SPATA31D3: variants seen among roughly 807,000 people sequenced by gnomAD.
SPATA31D3 encodes SPATA31 subfamily D member 3.
For missense variants in SPATA31D3, 91 were observed against 297.9 expected, an observed-to-expected ratio of 0.31 and a Z score of 5.11; for synonymous variants, 27 against 107.8, an observed-to-expected ratio of 0.25 and a Z score of 4.65.
chr9:81,949,719 T>C lies in SPATA31D3; in HGVS notation c.*1712T>C, dbSNP rs1171597243. 2 of 1,406,400 alleles carry C rather than the reference T, an allele frequency of 1.4e-6. No homozygotes were observed. The highest frequency in any genetic ancestry group is 3.4e-5 in the Admixed American group (2 of 59,206). The allele number at this position is 1,406,400 out of a possible 1,614,324, so 87.1% of individuals were successfully genotyped here. A position where few individuals can be genotyped will look rare whatever the true frequency, so the allele number is the denominator to read the frequency against. ...TGGCTCCCTCCTGCAAAGTGACATG[T>C]ACCAAATCTTGCAGCCAACAAGCTA... is the stretch of plus-strand genomic sequence containing the variant. On this transcript the variant is annotated 3_prime_UTR_variant, in exon 4 of 4. Coordinates refer to ENST00000445385, the MANE Select transcript of SPATA31D3 (RefSeq NM_207416.3).
At position 81,949,740 on chromosome 9, in the gene SPATA31D3, A is replaced by T; in HGVS notation, c.*1733A>T. The T allele has an allele frequency of 1.4e-6, 2 of 1,407,680 alleles. No homozygotes were observed. Among genetic ancestry groups the T allele is most frequent in the East Asian group, 2.3e-5 (1 of 43,552 alleles). The allele number at this position is 1,407,680 out of a possible 1,614,324, so 87.2% of individuals were successfully genotyped here. On this transcript the variant is annotated 3_prime_UTR_variant, in exon 4 of 4. Transcript: ENST00000445385. The stretch of plus-strand genomic sequence containing the variant: ...CATGTACCAAATCTTGCAGCCAACA[A>T]GCTATCTTTGTCGGCCAGAATTATC...
rs368987680 is a variant in SPATA31D3 at position 81,950,065 on chromosome 9, C to T, written c.*2058C>T. On this transcript the variant is annotated 3_prime_UTR_variant, in exon 4 of 4. Transcript: ENST00000445385. ...TAACTCCTTGTTGAGAATCTTGACT[C>T]TCCCCAATAAACGTTCTAATAAGAA... is the stretch of plus-strand genomic sequence containing the variant. The T allele has an allele frequency of 4.1e-4, 117 of 285,464 alleles. 1 individual carries two copies. Among genetic ancestry groups the T allele is most frequent in the African/African-American group, 2.4e-3 (111 of 46,068 alleles). The allele number at this position is 285,464 out of a possible 1,614,324, so 17.7% of individuals were successfully genotyped here. A position where few individuals can be genotyped will look rare whatever the true frequency, so the allele number is the denominator to read the frequency against.
In SPATA31D3 at chr9:81,949,648, C is replaced by G; in HGVS notation, c.*1641C>G. On this transcript the variant is annotated 3_prime_UTR_variant, in exon 4 of 4. Transcript: ENST00000445385. ...TGGGAAATCTCAGAATGTGCCAGAACTGCAGGTCAGAGCAGAGCCTGTCCA... is the reference window on the plus strand; with the variant it reads ...TGGGAAATCTCAGAATGTGCCAGAAGTGCAGGTCAGAGCAGAGCCTGTCCA... The G allele has an allele frequency of 2.1e-6, 2 of 950,388 alleles. No homozygotes were observed. Among genetic ancestry groups the G allele is most frequent in the Non-Finnish European group, 3.4e-6 (2 of 590,686 alleles). The allele number at this position is 950,388 out of a possible 1,614,324, so 58.9% of individuals were successfully genotyped here.
In SPATA31D3 at chr9:81,949,611, C is replaced by T; in HGVS notation, c.*1604C>T. ...CCTGTCCCCAGGAGCCCCTTTCCTCCCCAGTGCAGCTTGGGAAATCTCAGA... is the reference window on the plus strand; with the variant it reads ...CCTGTCCCCAGGAGCCCCTTTCCTCTCCAGTGCAGCTTGGGAAATCTCAGA... On this transcript the variant is annotated 3_prime_UTR_variant, in exon 4 of 4. Coordinates refer to ENST00000445385, the MANE Select transcript of SPATA31D3 (RefSeq NM_207416.3). 3 of 722,732 alleles carry T rather than the reference C, an allele frequency of 4.2e-6. No individual in the cohort carries two copies. Among genetic ancestry groups the T allele is most frequent in the Admixed American group, 2.0e-5 (1 of 49,692 alleles). 44.8% of individuals were successfully genotyped at this position (722,732 alleles called of 1,614,324 possible).
In SPATA31D3 at chr9:81,947,869, T is replaced by C. The variant is rs1292662064; in HGVS notation, c.2616T>C (p.Asn872=). 1.9e-5 allele frequency: 30 copies of C among 1,611,446 alleles called. 1 individual carries two copies. The highest frequency in any genetic ancestry group is 2.5e-5 in the Non-Finnish European group (30 of 1,179,282). ...EKSHSQIKHR[N]LAALVSEDHR... The stretch of plus-strand genomic sequence containing the variant: ...CCCACAGCCAAATTAAACATCGAAA[T>C]TTGGCAGCATTGGTGAGTGAGGACC... The change falls in exon 4 of 4, where the codon AAT becomes AAC. Residue 872 remains asparagine, a synonymous_variant. Coordinates refer to ENST00000445385, the MANE Select transcript of SPATA31D3 (RefSeq NM_207416.3).
Position 81,949,756 on chromosome 9 carries a change from C to T in SPATA31D3, c.*1749C>T, listed in dbSNP as rs1197568952. The T allele has an allele frequency of 7.9e-6, 11 of 1,390,580 alleles. No individual in the cohort carries two copies. Among genetic ancestry groups the T allele is most frequent in the Non-Finnish European group, 1.1e-5 (11 of 981,372 alleles). 86.1% of individuals were successfully genotyped at this position (1,390,580 alleles called of 1,614,324 possible). A position where few individuals can be genotyped will look rare whatever the true frequency, so the allele number is the denominator to read the frequency against. ...CAGCCAACAAGCTATCTTTGTCGGC[C>T]AGAATTATCCTGCAATGATTAGACA... On this transcript the variant is annotated 3_prime_UTR_variant, in exon 4 of 4. Transcript: ENST00000445385.
rs760516390 is a variant in SPATA31D3 at position 81,947,882 on chromosome 9, G to A, written c.2629G>A (p.Val877Met). The change falls in exon 4 of 4, where the codon GTG (valine) becomes ATG (methionine). Residue 877 changes from valine (V) to methionine (M), a missense_variant. Val to Met is a conservative substitution (Grantham distance 21). Transcript: ENST00000445385. ...QIKHRNLAAL[V>M]SEDHRVDTSQ... ...TAAACATCGAAATTTGGCAGCATTG[G>A]TGAGTGAGGACCACCGCGTTGATAC... is the stretch of plus-strand genomic sequence containing the variant. The A allele has an allele frequency of 6.2e-7, 1 of 1,611,934 alleles. No homozygotes were observed. The highest frequency in any genetic ancestry group is 1.1e-5 in the South Asian group (1 of 90,812).
chr9:81,949,747 T>C lies in SPATA31D3; in HGVS notation c.*1740T>C. On this transcript the variant is annotated 3_prime_UTR_variant, in exon 4 of 4. Coordinates refer to ENST00000445385, the MANE Select transcript of SPATA31D3 (RefSeq NM_207416.3). ...CAAATCTTGCAGCCAACAAGCTATC[T>C]TTGTCGGCCAGAATTATCCTGCAAT... 1 of 1,407,582 alleles carries C rather than the reference T, an allele frequency of 7.1e-7. No homozygotes were observed. Among genetic ancestry groups the C allele is most frequent in the Non-Finnish European group, 1.0e-6 (1 of 996,762 alleles). 87.2% of individuals were successfully genotyped at this position (1,407,582 alleles called of 1,614,324 possible).
At position 81,949,547 on chromosome 9, in the gene SPATA31D3, T is replaced by C. The variant is rs779220230; in HGVS notation, c.*1540T>C. ...ATTAGGAAAGACACTGGGGAGTTCA[T>C]AGAAGAGAAGCTGGGGCATAGACAT... is the stretch of plus-strand genomic sequence containing the variant. On this transcript the variant is annotated 3_prime_UTR_variant, in exon 4 of 4. Transcript: ENST00000445385. 4 of 591,590 alleles carry C rather than the reference T, an allele frequency of 6.8e-6. No individual in the cohort carries two copies. Among genetic ancestry groups the C allele is most frequent in the Admixed American group, 5.2e-5 (2 of 38,294 alleles). 36.6% of individuals were successfully genotyped at this position (591,590 alleles called of 1,614,324 possible).
chr9:81,948,480 TACTG>T lies in SPATA31D3; in HGVS notation c.*476_*479del. ...GGACCCTCAGAAGAGAATTCGCTGA[TACTG>T]ACGAGGATCTTACAGAAAGTGTCTG... On this transcript the variant is annotated 3_prime_UTR_variant, in exon 4 of 4. Transcript: ENST00000445385. The T allele has an allele frequency of 9.0e-6, 1 of 110,604 alleles. No individual in the cohort carries two copies. The highest frequency in any genetic ancestry group is 1.0e-4 in the South Asian group (1 of 9,938). The allele number at this position is 110,604 out of a possible 1,614,324, so 6.9% of individuals were successfully genotyped here. A position where few individuals can be genotyped will look rare whatever the true frequency, so the allele number is the denominator to read the frequency against.
rs1048356559 is a variant in SPATA31D3, at chr9:81,950,071, A to T, written c.*2064A>T. On this transcript the variant is annotated 3_prime_UTR_variant, in exon 4 of 4. Coordinates refer to ENST00000445385, the MANE Select transcript of SPATA31D3 (RefSeq NM_207416.3). ...CTTGTTGAGAATCTTGACTCTCCCC[A>T]ATAAACGTTCTAATAAGAATAAGAA... 1.5e-5 allele frequency: 4 copies of T among 272,434 alleles called. No homozygotes were observed. The highest frequency in any genetic ancestry group is 6.6e-5 in the African/African-American group (3 of 45,498). The allele number at this position is 272,434 out of a possible 1,614,324, so 16.9% of individuals were successfully genotyped here.
rs1487913335 is a variant in SPATA31D3, at chr9:81,949,642, C to G, written c.*1635C>G. ...GCAGCTTGGGAAATCTCAGAATGTG[C>G]CAGAACTGCAGGTCAGAGCAGAGCC... On this transcript the variant is annotated 3_prime_UTR_variant, in exon 4 of 4. Transcript: ENST00000445385. 15 of 905,666 alleles carry G rather than the reference C, an allele frequency of 1.7e-5. No homozygotes were observed. Among genetic ancestry groups the G allele is most frequent in the Non-Finnish European group, 2.4e-5 (13 of 553,188 alleles). 56.1% of individuals were successfully genotyped at this position (905,666 alleles called of 1,614,324 possible). A position where few individuals can be genotyped will look rare whatever the true frequency, so the allele number is the denominator to read the frequency against.
In SPATA31D3 at chr9:81,945,267, C is replaced by T. The variant is rs570735331; in HGVS notation, c.293+35C>T. ...CATTCCCCTTCTATCCTGTTCCCAC[C>T]GCCTTCTTTTTTTTTTTTTTTTTTT... On this transcript the variant is annotated intron_variant, in intron 3 of 3. Transcript: ENST00000445385. The T allele has an allele frequency of 2.3e-4, 90 of 394,152 alleles. 1 individual carries two copies. The highest frequency in any genetic ancestry group is 1.2e-3 in the Middle Eastern group (2 of 1,666). 24.4% of individuals were successfully genotyped at this position (394,152 alleles called of 1,614,324 possible).
chr9:81,949,731 C>T lies in SPATA31D3; in HGVS notation c.*1724C>T, dbSNP rs58521991. 1.5e-3 allele frequency: 2,068 copies of T among 1,408,358 alleles called. 23 individuals carry two copies. In the African/African-American group the frequency reaches 0.022, roughly 15 times the overall value. The allele number at this position is 1,408,358 out of a possible 1,614,324, so 87.2% of individuals were successfully genotyped here. A position where few individuals can be genotyped will look rare whatever the true frequency, so the allele number is the denominator to read the frequency against. ...GCAAAGTGACATGTACCAAATCTTG[C>T]AGCCAACAAGCTATCTTTGTCGGCC... On this transcript the variant is annotated 3_prime_UTR_variant, in exon 4 of 4. Coordinates refer to ENST00000445385, the MANE Select transcript of SPATA31D3 (RefSeq NM_207416.3).
chr9:81,945,107 G>A (rs1823860503), intron 2 of SPATA31D3, 65 bp from the exon 3 acceptor site: 3 of 550,448 alleles, frequency 5.5e-6, no homozygotes, highest in Non-Finnish European at 8.7e-6. Flanking sequence ...CTTCCACAGA[G>A]TTACTTCTGT....
rs983686723 is a variant in SPATA31D3 at position 81,949,168 on chromosome 9, T to C, written c.*1161T>C. 1.3e-5 allele frequency: 7 copies of C among 523,000 alleles called. No individual in the cohort carries two copies. Among genetic ancestry groups the C allele is most frequent in the African/African-American group, 1.3e-4 (7 of 52,608 alleles). 32.4% of individuals were successfully genotyped at this position (523,000 alleles called of 1,614,324 possible). ...ACAGAAATGCCAAGTTAAGAATTTT[T>C]CACCAGCTACAAAGAGAGTGAGCCC... is the stretch of plus-strand genomic sequence containing the variant. On this transcript the variant is annotated 3_prime_UTR_variant, in exon 4 of 4. Coordinates refer to ENST00000445385, the MANE Select transcript of SPATA31D3 (RefSeq NM_207416.3).
rs1023493438 is a variant in SPATA31D3, at chr9:81,949,328, A to G, written c.*1321A>G. 15 of 374,328 alleles carry G rather than the reference A, an allele frequency of 4.0e-5. No homozygotes were observed. In the East Asian group the frequency reaches 8.3e-4, roughly 21 times the overall value. 23.2% of individuals were successfully genotyped at this position (374,328 alleles called of 1,614,324 possible). On this transcript the variant is annotated 3_prime_UTR_variant, in exon 4 of 4. Transcript: ENST00000445385. Reference sequence around the variant, plus strand: ...GGGAGCAAATCTTCCCCAACCTTGAAAACACAGCCTCCTCCTGAAAACCTT... The same window carrying G: ...GGGAGCAAATCTTCCCCAACCTTGAGAACACAGCCTCCTCCTGAAAACCTT...
Position 81,949,325 on chromosome 9 carries a change from T to G in SPATA31D3, c.*1318T>G. 1 of 373,046 alleles carries G rather than the reference T, an allele frequency of 2.7e-6. No homozygotes were observed. Among genetic ancestry groups the G allele is most frequent in the African/African-American group, 2.1e-5 (1 of 48,132 alleles). The allele number at this position is 373,046 out of a possible 1,614,324, so 23.1% of individuals were successfully genotyped here. Reference sequence around the variant, plus strand: ...CTTGGGAGCAAATCTTCCCCAACCTTGAAAACACAGCCTCCTCCTGAAAAC... The same window carrying G: ...CTTGGGAGCAAATCTTCCCCAACCTGGAAAACACAGCCTCCTCCTGAAAAC... On this transcript the variant is annotated 3_prime_UTR_variant, in exon 4 of 4. Coordinates refer to ENST00000445385, the MANE Select transcript of SPATA31D3 (RefSeq NM_207416.3).
chr9:81,950,007 T>C lies in SPATA31D3; in HGVS notation c.*2000T>C, dbSNP rs1188294043. On this transcript the variant is annotated 3_prime_UTR_variant, in exon 4 of 4. Transcript: ENST00000445385. ...GGACAGAAAATACTTCCAAAGCATTTGCAGGGAGGAAAATTTCCCCCCAAA... is the reference window on the plus strand; with the variant it reads ...GGACAGAAAATACTTCCAAAGCATTCGCAGGGAGGAAAATTTCCCCCCAAA... The C allele has an allele frequency of 8.5e-6, 3 of 350,924 alleles. No homozygotes were observed. The highest frequency in any genetic ancestry group is 1.6e-5 in the Non-Finnish European group (3 of 191,296). The allele number at this position is 350,924 out of a possible 1,614,324, so 21.7% of individuals were successfully genotyped here.
Sources: gnomAD v4.1 joint callset for allele counts on GRCh38, gnomAD v4.1.1 for gene constraint, MANE v1.5 for transcripts, NCBI Gene and HGNC (gene_info 2026-07-23, HGNC 2026-07-21) for gene names.